MINDY4: variants seen among roughly 807,000 people sequenced by gnomAD.
The protein encoded by MINDY4 is MINDY lysine 48 deubiquitinase 4, also known as probable ubiquitin carboxyl-terminal hydrolase MINDY-4.
MINDY4 carries 68 observed loss-of-function variants against 87.0 expected under a neutral mutation model. The observed-to-expected ratio is 0.78, with a 90% CI of 0.64 to 0.96. The LOEUF is 0.96. Ranked by LOEUF, MINDY4 falls within the 40% of genes least tolerant of loss-of-function variation. The pLI is 0.00. For missense variants in MINDY4, 919 were observed against 928.2 expected (o/e 0.99, Z 0.13); for synonymous variants, 379 against 363.2 (o/e 1.04, Z -0.50).
At chr7:30,871,956 G>A (rs747846748) in intron 13 of MINDY4, among the ~76,000 whole-genome samples, 2 of 152,168 alleles carry the variant, frequency 1.3e-5, no homozygotes, top group Non-Finnish European at 2.9e-5. Context: ...ACCGTGTCAC[G>A]CTTCAGTCGC....
At chr7:30,850,863 C>T (rs1789394707) in intron 10 of MINDY4, among the ~76,000 whole-genome samples, 1 of 152,214 alleles carries the variant, frequency 6.6e-6, no homozygotes, top group Non-Finnish European at 1.5e-5. Context: ...CTGACCCCTG[C>T]AGCCAGCTCC....
At chr7:30,861,736 G>A (rs1345541485) in intron 13 of MINDY4, among the ~76,000 whole-genome samples, 1 of 152,244 alleles carries the variant, frequency 6.6e-6, no homozygotes, top group African/African-American at 2.4e-5. Flanking sequence ...CGTATCCCAG[G>A]AGCTCAGATG....
intron 5 of MINDY4, among the ~76,000 whole-genome samples, chr7:30,797,132 G>A (rs1241389667): frequency 6.6e-6 from 1 of 152,142 alleles, no homozygotes; most frequent in Non-Finnish European, 1.5e-5. Flanking sequence ...AGCAAATCAA[G>A]GTCCCCATCC....
chr7:30,886,206 G>C (rs1790627926), intron 17 of MINDY4, among the ~76,000 whole-genome samples: 1 of 152,168 alleles, frequency 6.6e-6, no homozygotes, highest in Non-Finnish European at 1.5e-5. Flanking sequence ...GGGGCTGCAG[G>C]GTAGGCCAGT....
intron 5 of MINDY4, among the ~76,000 whole-genome samples, chr7:30,824,894 AC>A (rs1161937737): frequency 3.3e-5 from 5 of 152,140 alleles, no homozygotes; most frequent in Admixed American, 6.5e-5. Flanking sequence ...GGCTCTTTCC[AC>A]CAAGCCAAGG....
intron 13 of MINDY4, among the ~76,000 whole-genome samples, chr7:30,867,559 T>C (rs1323115297): frequency 6.6e-6 from 1 of 152,134 alleles, no homozygotes; most frequent in Non-Finnish European, 1.5e-5. Context: ...GTGGCAGTAA[T>C]TGGATTTGAC....
chr7:30,849,364 G>C (rs763885730), intron 9 of MINDY4, among the ~76,000 whole-genome samples: 1 of 152,164 alleles, frequency 6.6e-6, no homozygotes, highest in African/African-American at 2.4e-5. Flanking sequence ...GCTAGCTTCC[G>C]TATGAGTTTT....
At chr7:30,845,793 G>T (rs759165258) in intron 9 of MINDY4, among the ~76,000 whole-genome samples, 5 of 152,214 alleles carry the variant, frequency 3.3e-5, no homozygotes, top group Non-Finnish European at 7.3e-5. Flanking sequence ...TGAAATAAAG[G>T]CATCTTGGCA....
At chr7:30,867,249 G>A (rs1217535461) in intron 13 of MINDY4, among the ~76,000 whole-genome samples, 1 of 152,158 alleles carries the variant, frequency 6.6e-6, no homozygotes, top group East Asian at 1.9e-4. Context: ...ATCCTCTTCA[G>A]ATATTCACAG....
chr7:30,794,855 C>T (rs1210882684), intron 5 of MINDY4, among the ~76,000 whole-genome samples: 3 of 152,196 alleles, frequency 2.0e-5, no homozygotes, highest in Non-Finnish European at 2.9e-5. Context: ...GTCTCTCTCT[C>T]CCTCTCGCTA....
chr7:30,779,722 A>G (rs1477101718), intron 2 of MINDY4: 1 of 152,194 alleles, frequency 6.6e-6, no homozygotes, highest in Admixed American at 6.5e-5. Context: ...CCAGGTAGGG[A>G]TGAGGCTAGA....
intron 5 of MINDY4, among the ~76,000 whole-genome samples, chr7:30,817,070 A>T (rs1339859190): frequency 6.6e-6 from 1 of 152,180 alleles, no homozygotes. Context: ...GCATGTGAAT[A>T]TCCAGTGGCC....
intron 2 of MINDY4, chr7:30,780,280 G>T (rs1786967588): frequency 1.3e-5 from 2 of 152,312 alleles, no homozygotes; most frequent in East Asian, 1.9e-4. Flanking sequence ...CACTTTAGGA[G>T]AATTTTGCGC....
intron 6 of MINDY4, among the ~76,000 whole-genome samples, chr7:30,830,708 C>T (rs1260322568): frequency 6.6e-6 from 1 of 152,192 alleles, no homozygotes; most frequent in African/African-American, 2.4e-5. Context: ...TGGGAACTAC[C>T]ATTCAAGATG....
At chr7:30,881,218 A>T (rs1413709942) in intron 15 of MINDY4, among the ~76,000 whole-genome samples, 1 of 152,126 alleles carries the variant, frequency 6.6e-6, no homozygotes, top group Non-Finnish European at 1.5e-5. Context: ...GGGAAAGTGC[A>T]TGGAGGCCAG....
intron 6 of MINDY4, among the ~76,000 whole-genome samples, chr7:30,830,496 T>C (rs1788666564): frequency 6.6e-6 from 1 of 152,144 alleles, no homozygotes; most frequent in Non-Finnish European, 1.5e-5. Flanking sequence ...TCAGGAAACT[T>C]ACAATCGTGG....
Position 30,788,573 on chromosome 7 carries a change from T to C in MINDY4, c.663+2581T>C, listed in dbSNP as rs28761176. On this transcript the variant is annotated intron_variant, in intron 4 of 17. Transcript: ENST00000265299. ...AGCTCACGGTGGCAGATAGAAGTTT[T>C]CCAAAATTCTAATTTTTACCTGACA... Among the ~76,000 whole-genome samples, 826 of 152,306 alleles carry C rather than the reference T, an allele frequency of 5.4e-3. 8 individuals carry two copies. Among genetic ancestry groups the C allele is most frequent in the African/African-American group, 0.019 (792 of 41,560 alleles).
intron 5 of MINDY4, among the ~76,000 whole-genome samples, chr7:30,792,415 C>T (rs1049354799): frequency 6.6e-6 from 1 of 152,170 alleles, no homozygotes; most frequent in African/African-American, 2.4e-5. Context: ...CCCTCTTTTT[C>T]TATCCCCTTG....
At chr7:30,859,130 C>A in intron 12 of MINDY4, 127 bp from the exon 13 acceptor site, 1 of 889,446 alleles carries the variant, frequency 1.1e-6, no homozygotes, top group Non-Finnish European at 1.9e-6. Flanking sequence ...CCAGCAACCC[C>A]AGGGCTGGGC....
Sources: allele counts gnomAD v4.1 joint callset (sites outside exome capture counted in the v4.1 genomes callset), GRCh38; gene constraint gnomAD v4.1.1; transcripts MANE v1.5; gene names NCBI Gene and HGNC (gene_info 2026-07-23, HGNC 2026-07-21).